The following MCUB variants were observed in gnomAD, a reference collection of about 807,000 sequenced individuals.
The protein encoded by MCUB is calcium uniporter regulatory subunit MCUb, mitochondrial.
A neutral mutation model predicts 41.4 loss-of-function variants in MCUB; 46 were observed. That is an observed-to-expected ratio of 1.11 (90% CI 0.88 to 1.42). MCUB has a LOEUF of 1.42. MCUB is among the 40% of genes most tolerant of loss of function. The pLI is 0.00. For synonymous variants in MCUB, 148 were observed against 148.2 expected, an observed-to-expected ratio of 1.00 and a Z score of 0.01; for missense variants, 403 against 404.9, an observed-to-expected ratio of 1.00 and a Z score of 0.04.
intron 4 of MCUB, among the ~76,000 whole-genome samples, chr4:109,665,682 T>C (rs1290780807): frequency 6.6e-6 from 1 of 152,220 alleles, no homozygotes; most frequent in African/African-American, 2.4e-5. Context: ...GTTGTTGTAT[T>C]GTTAATTTTT....
chr4:109,583,171 G>C (rs565029116), intron 1 of MCUB, among the ~76,000 whole-genome samples: 4 of 152,270 alleles, frequency 2.6e-5, no homozygotes, highest in African/African-American at 9.6e-5. Flanking sequence ...CCATTTTCAT[G>C]ATACTGATTC....
In MCUB at chr4:109,688,031, T is replaced by A. The variant is rs1018719576; in HGVS notation, c.*439T>A. ...CGGAATCGTCTTGTCATTAACTTCT[T>A]TTTTTAATATGCAGTAGTTGGGAGT... On this transcript the variant is annotated 3_prime_UTR_variant, in exon 8 of 8. Coordinates refer to ENST00000394650, the MANE Select transcript of MCUB (RefSeq NM_017918.5). 1 of 154,346 alleles carries A rather than the reference T, an allele frequency of 6.5e-6. No individual in the cohort carries two copies. The highest frequency in any genetic ancestry group is 2.4e-5 in the African/African-American group (1 of 41,514). 9.6% of individuals were successfully genotyped at this position (154,346 alleles called of 1,614,324 possible).
intron 1 of MCUB, among the ~76,000 whole-genome samples, chr4:109,604,211 C>T (rs1262125922): frequency 6.6e-6 from 1 of 151,618 alleles, no homozygotes; most frequent in Non-Finnish European, 1.5e-5. Flanking sequence ...GTCATCACCA[C>T]TCCCTAATCT....
In MCUB at chr4:109,608,530, C is replaced by T. The variant is rs148488202; in HGVS notation, c.99+48094C>T. Among the ~76,000 whole-genome samples, 441 of 152,176 alleles carry T rather than the reference C, an allele frequency of 2.9e-3. 1 individual carries two copies. Among genetic ancestry groups the T allele is most frequent in the African/African-American group, 1.0e-2 (415 of 41,526 alleles). Reference sequence around the variant, plus strand: ...TGAGACAGGGTCTCATTCTGTTGCCCAGGCTGGAGTGCAGTGGTGCAGTCA... The same window carrying T: ...TGAGACAGGGTCTCATTCTGTTGCCTAGGCTGGAGTGCAGTGGTGCAGTCA... On this transcript the variant is annotated intron_variant, in intron 1 of 7. Transcript: ENST00000394650.
intron 1 of MCUB, among the ~76,000 whole-genome samples, chr4:109,649,942 G>C (rs1728923312): frequency 6.6e-6 from 1 of 152,112 alleles, no homozygotes; most frequent in Non-Finnish European, 1.5e-5. Flanking sequence ...AGTGGGGCCT[G>C]ATTTGGGGAA....
At chr4:109,608,085 T>A (rs1727921588) in intron 1 of MCUB, among the ~76,000 whole-genome samples, 1 of 152,156 alleles carries the variant, frequency 6.6e-6, no homozygotes, top group Non-Finnish European at 1.5e-5. Flanking sequence ...TAAAATTCTC[T>A]TTTCTCTTAT....
At chr4:109,574,880 A>G (rs1465592190) in intron 1 of MCUB, among the ~76,000 whole-genome samples, 1 of 152,196 alleles carries the variant, frequency 6.6e-6, no homozygotes, top group East Asian at 1.9e-4. Context: ...CACTTGTTCC[A>G]GGGACAGAGA....
intron 4 of MCUB, among the ~76,000 whole-genome samples, chr4:109,680,590 C>A (rs1729693404): frequency 6.6e-6 from 1 of 151,926 alleles, no homozygotes; most frequent in African/African-American, 2.4e-5. Context: ...GACTCTGACT[C>A]TTCTACAGAT....
At chr4:109,604,573 A>C (rs1018708763) in intron 1 of MCUB, among the ~76,000 whole-genome samples, 8 of 152,122 alleles carry the variant, frequency 5.3e-5, no homozygotes, top group African/African-American at 1.7e-4. Flanking sequence ...CAGTGGTGAA[A>C]GTGGGCATCC....
At chr4:109,649,466 G>A (rs755436535) in intron 1 of MCUB, among the ~76,000 whole-genome samples, 1 of 152,034 alleles carries the variant, frequency 6.6e-6, no homozygotes, top group Non-Finnish European at 1.5e-5. Flanking sequence ...CAGTAAACAT[G>A]TTTTAGTCGC....
At chr4:109,609,097 G>A (rs1727945074) in intron 1 of MCUB, among the ~76,000 whole-genome samples, 1 of 152,146 alleles carries the variant, frequency 6.6e-6, no homozygotes. Context: ...TGAGCTGCCT[G>A]GAGCTGGGAG....
chr4:109,653,571 G>C (rs1729011574), intron 1 of MCUB, among the ~76,000 whole-genome samples: 1 of 151,980 alleles, frequency 6.6e-6, no homozygotes, highest in Non-Finnish European at 1.5e-5. Flanking sequence ...CTAGAATTTA[G>C]GCTATTAAGG....
chr4:109,591,638 A>G (rs1269368385), intron 1 of MCUB, among the ~76,000 whole-genome samples: 1 of 152,196 alleles, frequency 6.6e-6, no homozygotes, highest in African/African-American at 2.4e-5. Flanking sequence ...TGCATTGACT[A>G]CATCAATAAC....
At chr4:109,674,863 G>GT (rs987673527) in intron 4 of MCUB, among the ~76,000 whole-genome samples, 2 of 152,198 alleles carry the variant, frequency 1.3e-5, no homozygotes, top group African/African-American at 4.8e-5. Flanking sequence ...AAATGTGTGT[G>GT]TTGCTTATTT....
chr4:109,674,791 T>C (rs1253319079), intron 4 of MCUB, among the ~76,000 whole-genome samples: 2 of 152,266 alleles, frequency 1.3e-5, no homozygotes, highest in Admixed American at 1.3e-4. Flanking sequence ...AATTTTTAAA[T>C]GTCATCTTGA....
chr4:109,592,528 A>G (rs1652455452), intron 1 of MCUB, among the ~76,000 whole-genome samples: 2 of 152,174 alleles, frequency 1.3e-5, no homozygotes, highest in South Asian at 2.1e-4. Flanking sequence ...CCAGTGCCAC[A>G]CTTAAGGTTA....
rs143208495 is a variant in MCUB at position 109,607,513 on chromosome 4, C to T, written c.99+47077C>T. On this transcript the variant is annotated intron_variant, in intron 1 of 7. Transcript: ENST00000394650. ...GATTACAGGCGTGAGCCACCATGCCCGGCCTCCTTTTCTTTCAAATTTAAG... is the reference window on the plus strand; with the variant it reads ...GATTACAGGCGTGAGCCACCATGCCTGGCCTCCTTTTCTTTCAAATTTAAG... Among the ~76,000 whole-genome samples, 9 of 152,338 alleles carry T rather than the reference C, an allele frequency of 5.9e-5. No homozygotes were observed. In the Middle Eastern group the frequency reaches 0.017, roughly 288 times the overall value.
intron 1 of MCUB, among the ~76,000 whole-genome samples, chr4:109,603,357 G>A (rs772728358): frequency 3.3e-5 from 5 of 152,144 alleles, no homozygotes; most frequent in Non-Finnish European, 5.9e-5. Context: ...TCGGCCTCCC[G>A]AGGTGCCCGG....
In MCUB at chr4:109,568,070, C is replaced by T. The variant is rs532805676; in HGVS notation, c.99+7634C>T. On this transcript the variant is annotated intron_variant, in intron 1 of 7. Coordinates refer to ENST00000394650, the MANE Select transcript of MCUB (RefSeq NM_017918.5). ...GACTGACTGTAATGTGACCATAAACCTGGGGGGGAAAAATTATTTTAGAGA... is the reference window on the plus strand; with the variant it reads ...GACTGACTGTAATGTGACCATAAACTTGGGGGGGAAAAATTATTTTAGAGA... Among the ~76,000 whole-genome samples, 36 of 149,364 alleles carry T rather than the reference C, an allele frequency of 2.4e-4. 1 individual carries two copies. The highest frequency in any genetic ancestry group is 9.0e-4 in the African/African-American group (35 of 38,792).
Sources: gnomAD v4.1 joint callset for allele counts (sites outside exome capture counted in the v4.1 genomes callset) on GRCh38, gnomAD v4.1.1 for gene constraint, MANE v1.5 for transcripts, NCBI Gene and HGNC (gene_info 2026-07-23, HGNC 2026-07-21) for gene names.